PTPN13: variants seen among roughly 807,000 people sequenced by gnomAD.
The protein encoded by PTPN13 is protein tyrosine phosphatase non-receptor type 13.
A neutral mutation model predicts 284.0 loss-of-function variants in PTPN13; 191 were observed. That is an observed-to-expected ratio of 0.67 (90% confidence interval 0.60 to 0.76). The LOEUF (loss-of-function observed/expected upper bound fraction) is 0.76. Among genes scored for constraint, PTPN13 ranks in the 30% least tolerant of loss-of-function variants. The pLI, the probability that PTPN13 is intolerant of heterozygous loss-of-function variation, is 0.00. For synonymous variants in PTPN13, 986 were observed against 1,022.3 expected (o/e 0.96, Z 0.68); for missense variants, 2,797 against 2,939.9 (o/e 0.95, Z 1.12).
At chr4:86,696,568 G>T (rs919257736) in intron 6 of PTPN13, among the ~76,000 whole-genome samples, 1 of 151,864 alleles carries the variant, frequency 6.6e-6, no homozygotes. Context: ...TACTAAGAAA[G>T]ATTTAGTATT....
intron 3 of PTPN13, among the ~76,000 whole-genome samples, chr4:86,684,358 G>A (rs1033986058): frequency 6.6e-6 from 1 of 152,142 alleles, no homozygotes; most frequent in African/African-American, 2.4e-5. Flanking sequence ...GAAAGAAAAG[G>A]ATGTATTTTG....
intron 40 of PTPN13, among the ~76,000 whole-genome samples, chr4:86,790,213 T>G (rs551050766): frequency 6.6e-6 from 1 of 152,188 alleles, no homozygotes; most frequent in Non-Finnish European, 1.5e-5. Flanking sequence ...GATTAAAACC[T>G]TTTTTCTTCT....
At chr4:86,620,692 A>G (rs1364262992) in intron 1 of PTPN13, among the ~76,000 whole-genome samples, 1 of 152,194 alleles carries the variant, frequency 6.6e-6, no homozygotes. Flanking sequence ...CTATCACAAA[A>G]TGTACTTATT....
intron 2 of PTPN13, among the ~76,000 whole-genome samples, chr4:86,654,475 T>G (rs1404411873): frequency 6.6e-6 from 1 of 152,222 alleles, no homozygotes; most frequent in Non-Finnish European, 1.5e-5. Flanking sequence ...AAAGAACATC[T>G]TTATTTCTGC....
chr4:86,778,827 C>T (rs998131994), intron 35 of PTPN13, among the ~76,000 whole-genome samples: 2 of 151,912 alleles, frequency 1.3e-5, no homozygotes, highest in Non-Finnish European at 2.9e-5. Flanking sequence ...AAAGCTACCT[C>T]AGGTGTTTTT....
At chr4:86,689,748 T>G in intron 5 of PTPN13, 1 of 702,366 alleles carries the variant, frequency 1.4e-6, no homozygotes, top group African/African-American at 1.7e-5. Context: ...TTCTCTTGTT[T>G]TGGATATGAA....
intron 42 of PTPN13, 113 bp downstream of exon 42, chr4:86,799,317 CTTTTT>C: frequency 5.4e-6 from 2 of 368,576 alleles, no homozygotes; most frequent in Non-Finnish European, 4.6e-6. Flanking sequence ...ACATTATTTG[CTTTTT>C]TTTTTTTTTT....
intron 28 of PTPN13, among the ~76,000 whole-genome samples, chr4:86,768,631 A>G (rs556893819): frequency 6.6e-6 from 1 of 151,566 alleles, no homozygotes; most frequent in African/African-American, 2.4e-5. Context: ...CACAGACTAT[A>G]TTATTTTTTC....
chr4:86,606,984 CT>C (rs901777938), intron 1 of PTPN13, among the ~76,000 whole-genome samples: 1 of 151,800 alleles, frequency 6.6e-6, no homozygotes, highest in Admixed American at 6.6e-5. Context: ...GTTATTCCAG[CT>C]GATAAATTAA....
At chr4:86,812,892 A>C (rs886285673) in intron 47 of PTPN13, among the ~76,000 whole-genome samples, 8 of 151,820 alleles carry the variant, frequency 5.3e-5, no homozygotes, top group African/African-American at 1.9e-4. Flanking sequence ...TCTGGGGAGG[A>C]AGGTGTAGTG....
At position 86,764,653 on chromosome 4, in the gene PTPN13, C is replaced by T. The variant is rs765415693; in HGVS notation, c.4078C>T (p.Pro1360Ser). ...GAATTTTAAAACTTTTTCTTCATCA[C>T]CTCCTAAGCCTGGAGATATCTTTGA... ...KMNFKTFSSS[P>S]PKPGDIFEVE... The change falls in exon 25 of 48, where the codon CCT (proline) becomes TCT (serine). Residue 1360 changes from proline to serine, a missense_variant. Coordinates refer to ENST00000411767, the MANE Select transcript of PTPN13 (RefSeq NM_080683.3). 7 of 1,598,052 alleles carry T rather than the reference C, an allele frequency of 4.4e-6. No homozygotes were observed. The African/African-American group carries it at 5.4e-5, about 12-fold the overall frequency.
rs549984099 is a variant in PTPN13, at chr4:86,610,159, A to T, written c.-6+15370A>T. ...AACCCAGGAGGCAGAGGTTGCGGTG[A>T]GCCAAGATCACACCACTGCACTCCA... is the stretch of plus-strand genomic sequence containing the variant. On this transcript the variant is annotated intron_variant, in intron 1 of 47. Transcript: ENST00000411767. 5.9e-4 allele frequency among the ~76,000 whole-genome samples: 90 copies of T among 152,230 alleles called. 1 individual carries two copies. The highest frequency in any genetic ancestry group is 2.0e-3 in the African/African-American group (85 of 41,536).
At chr4:86,653,587 C>T (rs1725357780) in intron 2 of PTPN13, among the ~76,000 whole-genome samples, 1 of 151,326 alleles carries the variant, frequency 6.6e-6, no homozygotes, top group Non-Finnish European at 1.5e-5. Context: ...GTCCAGTTCA[C>T]AACTCATGAT....
intron 2 of PTPN13, among the ~76,000 whole-genome samples, chr4:86,667,691 T>C (rs1727239410): frequency 6.6e-6 from 1 of 152,192 alleles, no homozygotes; most frequent in Non-Finnish European, 1.5e-5. Flanking sequence ...CCTTCAGAGT[T>C]TGGAACAGCG....
At chr4:86,601,578 A>G (rs1306234771) in intron 1 of PTPN13, among the ~76,000 whole-genome samples, 1 of 152,178 alleles carries the variant, frequency 6.6e-6, no homozygotes, top group Non-Finnish European at 1.5e-5. Context: ...TACATAATAT[A>G]TCACACTGAT....
At chr4:86,708,492 A>G (rs1210213272) in intron 7 of PTPN13, among the ~76,000 whole-genome samples, 2 of 152,174 alleles carry the variant, frequency 1.3e-5, no homozygotes, top group Non-Finnish European at 2.9e-5. Flanking sequence ...GTGAGATCAG[A>G]GTTCACAGAA....
chr4:86,775,296 T>G lies in PTPN13; in HGVS notation c.5634T>G (p.Pro1878=), dbSNP rs375179494. The change falls in exon 34 of 48, where the codon CCT becomes CCG. Residue 1878 remains proline, a synonymous_variant. Transcript: ENST00000411767. The part of the protein sequence containing the change: ...VLELPRIPML[P]HLLPDITLTC... Reference sequence around the variant, plus strand: ...AATTACCCAGAATACCAATGTTGCCTCATTTGCTACCGGACATAACACTAA... The same window carrying G: ...AATTACCCAGAATACCAATGTTGCCGCATTTGCTACCGGACATAACACTAA... 80 of 1,613,398 alleles carry G rather than the reference T, an allele frequency of 5.0e-5. No homozygotes were observed. The highest frequency in any genetic ancestry group is 6.4e-5 in the Non-Finnish European group (75 of 1,179,732).
Position 86,757,762 on chromosome 4 carries a change from C to CA in PTPN13, c.3224-482dup, listed in dbSNP as rs542129918. On this transcript the variant is annotated intron_variant, in intron 20 of 47. Transcript: ENST00000411767. ...TGAGTAGCAAAGCAAGACTCTGTCT[C>CA]AAAAAAAAAAAAAAAATCCAGTTTC... Among the ~76,000 whole-genome samples the CA allele has an allele frequency of 5.7e-3, 643 of 112,394 alleles. 11 individuals are homozygous for CA. The highest frequency in any genetic ancestry group is 0.012 in the African/African-American group (331 of 28,456). 73.7% of individuals were successfully genotyped at this position (112,394 alleles called of 152,430 possible). A position where few individuals can be genotyped will look rare whatever the true frequency, so the allele number is the denominator to read the frequency against.
At chr4:86,715,953 CA>C (rs1293845614) in intron 7 of PTPN13, among the ~76,000 whole-genome samples, 3 of 152,198 alleles carry the variant, frequency 2.0e-5, no homozygotes, top group African/African-American at 7.2e-5. Context: ...GCACACTCTG[CA>C]CAAACCTACA....
Sources: gnomAD v4.1 joint callset for allele counts (sites outside exome capture counted in the v4.1 genomes callset) on GRCh38, gnomAD v4.1.1 for gene constraint, MANE v1.5 for transcripts, NCBI Gene and HGNC (gene_info 2026-07-23, HGNC 2026-07-21) for gene names.